Variants in ECRG4 observed in about 807,000 individuals in gnomAD.
ECRG4 encodes the protein augurin.
ECRG4 carries 18 observed loss-of-function variants against 15.8 expected under a neutral mutation model. The observed-to-expected ratio is 1.14, with a 90% CI of 0.79 to 1.69. The LOEUF is 1.69. Ranked by LOEUF, ECRG4 falls within the 40% of genes most tolerant of loss-of-function variation. The probability of loss-of-function intolerance (pLI) is 0.00; values close to 1 mark genes in which losing one functional copy is unlikely to be tolerated. For synonymous variants in ECRG4, 82 were observed against 73.9 expected (o/e 1.11, Z -0.56); for missense variants, 200 against 190.9 (o/e 1.05, Z -0.28).
Position 106,069,148 on chromosome 2 carries a change from TTTTC to T in ECRG4, c.80-2676_80-2673del, listed in dbSNP as rs200925572. On this transcript the variant is annotated intron_variant, in intron 1 of 3. Transcript: ENST00000238044. ...TCCTTTCTCTTTCTTTCTTTCTTTC[TTTTC>T]TTTCTTTCTTTCTTTCTTTTTTCTT... Among the ~76,000 whole-genome samples the T allele has an allele frequency of 4.1e-3, 537 of 131,894 alleles. 1 individual carries two copies. Among genetic ancestry groups the T allele is most frequent in the East Asian group, 8.6e-3 (38 of 4,442 alleles). The allele number at this position is 131,894 out of a possible 152,430, so 86.5% of individuals were successfully genotyped here.
Position 106,065,697 on chromosome 2 carries a change from C to T in ECRG4, c.-68C>T, listed in dbSNP as rs1295343454. 32 of 1,288,640 alleles carry T rather than the reference C, an allele frequency of 2.5e-5. No individual in the cohort carries two copies. The South Asian group carries it at 4.2e-4, about 17-fold the overall frequency. The allele number at this position is 1,288,640 out of a possible 1,614,324, so 79.8% of individuals were successfully genotyped here. ...GCGCCTGCCCGCTCGCACCCCTCTC[C>T]CGCGCCCGGTTCTCCCTCGCAGCAC... On this transcript the variant is annotated 5_prime_UTR_variant, in exon 1 of 4. Transcript: ENST00000238044.
chr2:106,069,129 CTCTTTCTT>C (rs754803827), intron 1 of ECRG4, among the ~76,000 whole-genome samples: 14 of 144,314 alleles, frequency 9.7e-5, no homozygotes, highest in South Asian at 9.2e-4. Context: ...TTCTTCCTTT[CTCTTTCTT>C]TCTTTCTTTC....
intron 1 of ECRG4, among the ~76,000 whole-genome samples, chr2:106,066,190 T>A (rs1676210696): frequency 1.3e-5 from 2 of 152,178 alleles, no homozygotes; most frequent in Non-Finnish European, 2.9e-5. Flanking sequence ...TTTACGCAGC[T>A]GGTAACCCAG....
At chr2:106,065,864 C>T (rs903641008) in intron 1 of ECRG4, 21 bp downstream of exon 1, 1 of 1,464,662 alleles carries the variant, frequency 6.8e-7, no homozygotes, top group Admixed American at 2.8e-5. Context: ...CGATGCCAGG[C>T]TGATTGATAG....
intron 1 of ECRG4, chr2:106,070,963 C>T (rs1348860282): frequency 2.1e-6 from 1 of 471,362 alleles, no homozygotes; most frequent in South Asian, 1.5e-5. Flanking sequence ...GTCTGCAAGC[C>T]AGTTCGCTGG....
rs1335961036 is a variant in ECRG4, at chr2:106,077,809, T to C, written c.330T>C (p.Asn110=). The C allele has an allele frequency of 6.2e-7, 1 of 1,614,066 alleles. No individual in the cohort carries two copies. Among genetic ancestry groups the C allele is most frequent in the Admixed American group, 1.7e-5 (1 of 60,010 alleles). The change falls in exon 4 of 4, where the codon AAT becomes AAC. Residue 110 remains asparagine (N), a synonymous_variant. Transcript: ENST00000238044. The stretch of plus-strand genomic sequence containing the variant: ...CCTATTGGCTTAACAGAGATCGAAA[T>C]GGACATGAATACTATGGCGATTACT... The part of the protein sequence containing the change: ...DITYWLNRDR[N]GHEYYGDYYQ...
chr2:106,064,219 T>C (rs1022281356), upstream of ECRG4: 1 of 152,248 alleles, frequency 6.6e-6, no homozygotes, highest in Non-Finnish European at 1.5e-5. Context: ...GGCAGTATCA[T>C]GATCTAACTC....
chr2:106,067,235 C>G (rs988836911), intron 1 of ECRG4, among the ~76,000 whole-genome samples: 1 of 151,596 alleles, frequency 6.6e-6, no homozygotes. Context: ...GAGATTGCGG[C>G]GAGCTGAGAT....
upstream of ECRG4, among the ~76,000 whole-genome samples, chr2:106,065,272 G>A (rs1676182899): frequency 6.6e-6 from 1 of 152,046 alleles, no homozygotes; most frequent in African/African-American, 2.4e-5. Context: ...AGGAGTAAGG[G>A]GAACAGTGGC....
intron 3 of ECRG4, among the ~76,000 whole-genome samples, chr2:106,074,578 G>A (rs13410436): frequency 0.022 from 3,299 of 152,332 alleles, 130 homozygotes; most frequent in African/African-American, 0.072. Context: ...GATGGCATTG[G>A]TGGACGTATT....
upstream of ECRG4, among the ~76,000 whole-genome samples, chr2:106,064,973 C>T (rs1034897123): frequency 6.6e-6 from 1 of 152,002 alleles, no homozygotes. Flanking sequence ...GAAGTGTGCC[C>T]AGATTACAGA....
chr2:106,069,917 A>G (rs75340682), intron 1 of ECRG4, among the ~76,000 whole-genome samples: 1 of 152,218 alleles, frequency 6.6e-6, no homozygotes, highest in Non-Finnish European at 1.5e-5. Context: ...CTACATCACT[A>G]TAGACCGACT....
intron 2 of ECRG4, among the ~76,000 whole-genome samples, chr2:106,073,136 C>T (rs557872860): frequency 2.3e-4 from 35 of 152,276 alleles, no homozygotes; most frequent in African/African-American, 7.9e-4. Flanking sequence ...TTTATAGATA[C>T]GGGGACAGAG....
At chr2:106,074,626 C>T (rs1676447285) in intron 3 of ECRG4, among the ~76,000 whole-genome samples, 1 of 152,202 alleles carries the variant, frequency 6.6e-6, no homozygotes, top group Admixed American at 6.5e-5. Flanking sequence ...ATCGTAGGCT[C>T]CCAGCTGGGG....
At chr2:106,071,750 C>A (rs941171025) in intron 1 of ECRG4, 94 bp from the exon 2 acceptor site, 6 of 961,546 alleles carry the variant, frequency 6.2e-6, no homozygotes, top group East Asian at 5.1e-5. Flanking sequence ...AAGGCAGGGG[C>A]CCGCAGTTCT....
At chr2:106,069,234 T>G (rs192948964) in intron 1 of ECRG4, among the ~76,000 whole-genome samples, 1 of 144,572 alleles carries the variant, frequency 6.9e-6, no homozygotes, top group Non-Finnish European at 1.5e-5. Context: ...CTTTCCTTCT[T>G]TCTTTTCTTT....
intron 1 of ECRG4, among the ~76,000 whole-genome samples, chr2:106,071,235 C>T (rs13422934): frequency 2.1e-5 from 3 of 145,356 alleles, no homozygotes; most frequent in Non-Finnish European, 4.5e-5. Flanking sequence ...CTCTCTTCTT[C>T]TTATAAAAAC....
At chr2:106,071,362 A>AAC (rs1676368115) in intron 1 of ECRG4, among the ~76,000 whole-genome samples, 1 of 146,882 alleles carries the variant, frequency 6.8e-6, no homozygotes, top group African/African-American at 2.6e-5. Flanking sequence ...AGAAAGAAAG[A>AAC]AAAGAAAAGA....
intron 2 of ECRG4, among the ~76,000 whole-genome samples, chr2:106,072,555 C>G (rs112860277): frequency 0.011 from 1,600 of 152,250 alleles, 33 homozygotes; most frequent in African/African-American, 0.036. Flanking sequence ...TCTGATGTGA[C>G]CATTTAGTCA....
Sources: allele counts gnomAD v4.1 joint callset (sites outside exome capture counted in the v4.1 genomes callset), GRCh38; gene constraint gnomAD v4.1.1; transcripts MANE v1.5; gene names NCBI Gene and HGNC (gene_info 2026-07-23, HGNC 2026-07-21).